The following C11orf54 variants were observed in gnomAD, a reference collection of about 807,000 sequenced individuals.
The protein encoded by C11orf54 is beta-keto L-gulonate decarboxylase.
Under a neutral mutation model 35.5 loss-of-function variants are expected in C11orf54, and 29 were observed. The observed-to-expected ratio is 0.82, with a 90% CI of 0.61 to 1.11. The LOEUF (loss-of-function observed/expected upper bound fraction) is 1.11, where lower values mean the gene tolerates loss of function less well. C11orf54 is among the 50% of genes most tolerant of loss of function. The pLI is 0.00. For missense variants in C11orf54, 373 were observed against 369.2 expected (o/e 1.01, Z -0.08); for synonymous variants, 108 against 121.1 (o/e 0.89, Z 0.71).
intron 1 of C11orf54, chr11:93,741,958 T>C (rs558232091): frequency 5.8e-6 from 1 of 172,992 alleles, no homozygotes; most frequent in East Asian, 1.8e-4. Context: ...TATTTCTGCC[T>C]TCAGAAACCC....
intron 6 of C11orf54, 110 bp from the exon 7 acceptor site, chr11:93,757,206 T>G: frequency 8.1e-7 from 1 of 1,227,806 alleles, no homozygotes; most frequent in South Asian, 1.6e-5. Flanking sequence ...ATCTGGGGGC[T>G]CTAAGCAAAG....
chr11:93,741,848 G>C (rs1942083717), intron 1 of C11orf54, 120 bp downstream of exon 1: 1 of 221,688 alleles, frequency 4.5e-6, no homozygotes, highest in Non-Finnish European at 9.3e-6. Flanking sequence ...CGGTGGTCTC[G>C]CGTTTGCTGA....
rs1171879212 is a variant in C11orf54 at position 93,747,444 on chromosome 11, T to A, written c.51T>A (p.Ala17=). The change falls in exon 2 of 9, where the codon GCT becomes GCA. Residue 17 remains alanine, a synonymous_variant. Coordinates refer to ENST00000354421, the MANE Select transcript of C11orf54 (RefSeq NM_001286069.2). Reference sequence around the variant, plus strand: ...ATGTACCAAGTCTTGAAGAGCTTGCTGGAGGTAAAAACAATATTAACTTTG... The same window carrying A: ...ATGTACCAAGTCTTGAAGAGCTTGCAGGAGGTAAAAACAATATTAACTTTG... ...SFHVPSLEEL[A]GVMQKGLKDN... is the part of the protein sequence containing the mutation. The A allele has an allele frequency of 6.3e-7, 1 of 1,590,524 alleles. No homozygotes were observed. The highest frequency in any genetic ancestry group is 8.5e-7 in the Non-Finnish European group (1 of 1,171,864).
Position 93,757,361 on chromosome 11 carries a change from G to C in C11orf54, c.553G>C (p.Val185Leu). The change falls in exon 7 of 9, where the codon GTG (valine) becomes CTG (leucine). Residue 185 changes from valine to leucine, a missense_variant. Val to Leu is a conservative substitution (Grantham distance 32, BLOSUM62 1). Transcript: ENST00000354421. ...AAGAAGAACTGGACCACTTAACTTT[G>C]TGACTTGTATGAGAGAGACCCTGGA... ...AKRRTGPLNF[V>L]TCMRETLEKH... The C allele has an allele frequency of 6.3e-7, 1 of 1,598,216 alleles. No individual in the cohort carries two copies. Among genetic ancestry groups the C allele is most frequent in the Non-Finnish European group, 8.5e-7 (1 of 1,179,762 alleles).
At chr11:93,757,781 G>A (rs763518432) in intron 7 of C11orf54, among the ~76,000 whole-genome samples, 7 of 152,062 alleles carry the variant, frequency 4.6e-5, no homozygotes, top group African/African-American at 7.2e-5. Context: ...CACCTGTCTC[G>A]GCCTCCCAAA....
At chr11:93,749,517 A>AC in intron 2 of C11orf54, among the ~76,000 whole-genome samples, 1 of 151,370 alleles carries the variant, frequency 6.6e-6, no homozygotes, top group East Asian at 1.9e-4. Context: ...AAAAAAAAAA[A>AC]AAAAAAAAAA....
intron 3 of C11orf54, among the ~76,000 whole-genome samples, chr11:93,753,182 G>A (rs1196279252): frequency 6.6e-6 from 1 of 152,062 alleles, no homozygotes; most frequent in African/African-American, 2.4e-5. Context: ...TCACCATGTT[G>A]GCCAGGCTGG....
At chr11:93,759,673 A>C in intron 7 of C11orf54, 69 bp from the exon 8 acceptor site, 6 of 685,198 alleles carry the variant, frequency 8.8e-6, no homozygotes, top group Non-Finnish European at 1.3e-5. Context: ...TAAGTAAAAT[A>C]TATTTTTAAA....
chr11:93,761,626 C>A lies in C11orf54; in HGVS notation c.886C>A (p.Pro296Thr), dbSNP rs1291668645. The A allele has an allele frequency of 6.2e-7, 1 of 1,613,086 alleles. No homozygotes were observed. Among genetic ancestry groups the A allele is most frequent in the Non-Finnish European group, 8.5e-7 (1 of 1,179,592 alleles). The change falls in exon 9 of 9, where the codon CCT (proline) becomes ACT (threonine). Residue 296 changes from proline (P) to threonine (T), a missense_variant. Physicochemically the swap from Pro to Thr is conservative, Grantham distance 38 (BLOSUM62 -1). Coordinates refer to ENST00000354421, the MANE Select transcript of C11orf54 (RefSeq NM_001286069.2). ...DIVEYLGYFL[P>T]AEFLYRIDQP... is the part of the protein sequence containing the mutation. ...AGTGGAATATCTTGGATACTTCTTACCTGCAGAGTTTCTCTATCGCATTGA... is the reference window on the plus strand; with the variant it reads ...AGTGGAATATCTTGGATACTTCTTAACTGCAGAGTTTCTCTATCGCATTGA...
chr11:93,742,990 ATTTT>A (rs1565252023), intron 1 of C11orf54: 2 of 151,674 alleles, frequency 1.3e-5, no homozygotes, highest in East Asian at 3.9e-4. Context: ...TTCATTTTGT[ATTTT>A]TTCTTTTTTC....
chr11:93,746,248 C>T (rs1474159380), intron 1 of C11orf54: 1 of 152,166 alleles, frequency 6.6e-6, no homozygotes, highest in Non-Finnish European at 1.5e-5. Flanking sequence ...CACCGTTCCA[C>T]TTGCTAAATA....
intron 1 of C11orf54, among the ~76,000 whole-genome samples, chr11:93,743,532 G>A (rs1942275381): frequency 6.6e-6 from 1 of 152,148 alleles, no homozygotes; most frequent in Non-Finnish European, 1.5e-5. Context: ...GGCCTGCTGC[G>A]CTCCACCCTT....
At chr11:93,758,748 T>G (rs950228252) in intron 7 of C11orf54, among the ~76,000 whole-genome samples, 2 of 152,196 alleles carry the variant, frequency 1.3e-5, no homozygotes, top group Admixed American at 1.3e-4. Context: ...TGAGAGCAGC[T>G]CCCCACTGGC....
At chr11:93,757,491 C>G in intron 7 of C11orf54, 26 bp downstream of exon 7, 1 of 1,579,674 alleles carries the variant, frequency 6.3e-7, no homozygotes, top group Non-Finnish European at 8.5e-7. Flanking sequence ...TGCATACATG[C>G]ATGAAGGAGT....
intron 2 of C11orf54, among the ~76,000 whole-genome samples, chr11:93,749,938 T>C (rs1346128731): frequency 1.3e-5 from 2 of 152,232 alleles, no homozygotes; most frequent in African/African-American, 4.8e-5. Flanking sequence ...TAATATTGTA[T>C]GTAGTGTTTT....
intron 3 of C11orf54, among the ~76,000 whole-genome samples, chr11:93,750,837 A>G (rs551823096): frequency 4.6e-5 from 7 of 152,368 alleles, no homozygotes; most frequent in African/African-American, 1.7e-4. Flanking sequence ...GTTAAAACTA[A>G]TCCTTCAACA....
rs1403800360 is a variant in C11orf54 at position 93,764,475 on chromosome 11, A to T, written c.*2787A>T. On this transcript the variant is annotated 3_prime_UTR_variant, in exon 9 of 9. Transcript: ENST00000354421. ...TTTAAGTTTCTGTGGTTTTGTGTAC[A>T]TTTCTTACGTTAGGGATTTCAGTTC... 2.0e-5 allele frequency: 3 copies of T among 152,166 alleles called. No homozygotes were observed. Among genetic ancestry groups the T allele is most frequent in the African/African-American group, 7.2e-5 (3 of 41,434 alleles). 9.4% of individuals were successfully genotyped at this position (152,166 alleles called of 1,614,324 possible).
chr11:93,759,484 C>G (rs373291154), intron 7 of C11orf54, among the ~76,000 whole-genome samples: 121 of 151,960 alleles, frequency 8.0e-4, no homozygotes, highest in African/African-American at 2.8e-3. Context: ...CATCACACAC[C>G]GGGGCCTTTC....
chr11:93,743,815 C>T (rs1464895490), intron 1 of C11orf54, among the ~76,000 whole-genome samples: 1 of 152,190 alleles, frequency 6.6e-6, no homozygotes, highest in African/African-American at 2.4e-5. Context: ...GTGTTAACCT[C>T]TGCAGCTCCG....
Sources: gnomAD v4.1 joint callset for allele counts (sites outside exome capture counted in the v4.1 genomes callset) on GRCh38, gnomAD v4.1.1 for gene constraint, MANE v1.5 for transcripts, NCBI Gene and HGNC (gene_info 2026-07-23, HGNC 2026-07-21) for gene names.